ZEB1: variants seen among roughly 807,000 people sequenced by gnomAD.
ZEB1 encodes the protein zinc finger E-box binding homeobox 1.
In ZEB1, 21 loss-of-function variants were observed where a neutral mutation model predicts 84.9. The ratio of observed to expected loss-of-function variants is 0.25; its 90% CI spans 0.18 to 0.36. The LOEUF (loss-of-function observed/expected upper bound fraction) is 0.36. Ranked by LOEUF, ZEB1 falls within the 10% of genes least tolerant of loss-of-function variation. The pLI is 1.00. For synonymous variants in ZEB1, 420 were observed against 471.1 expected, an observed-to-expected ratio of 0.89 and a Z score of 1.41; for missense variants, 1,104 against 1,330.2, an observed-to-expected ratio of 0.83 and a Z score of 2.65.
intron 5 of ZEB1, among the ~76,000 whole-genome samples, chr10:31,512,902 C>G (rs2070355800): frequency 6.6e-6 from 1 of 151,964 alleles, no homozygotes; most frequent in Middle Eastern, 3.2e-3. Context: ...CATAAGAAAG[C>G]CTTGAGGCCA....
intron 1 of ZEB1, among the ~76,000 whole-genome samples, chr10:31,332,622 C>A (rs560406072): frequency 6.6e-6 from 1 of 152,128 alleles, no homozygotes; most frequent in Non-Finnish European, 1.5e-5. Context: ...TAATTCAGGC[C>A]TGGTATATGT....
chr10:31,322,630 A>G (rs1348632692), intron 1 of ZEB1, among the ~76,000 whole-genome samples: 1 of 152,176 alleles, frequency 6.6e-6, no homozygotes, highest in Non-Finnish European at 1.5e-5. Context: ...TCCGTAAAGG[A>G]GTGACATTAG....
intron 1 of ZEB1, among the ~76,000 whole-genome samples, chr10:31,428,116 A>G (rs2057219657): frequency 6.6e-6 from 1 of 151,182 alleles, no homozygotes; most frequent in Non-Finnish European, 1.5e-5. Context: ...TAGCTTTGGG[A>G]TTTGTGTGCT....
Position 31,520,038 on chromosome 10 carries a change from T to C in ZEB1, c.794-88T>C. On this transcript the variant is annotated intron_variant, in intron 6 of 8. Transcript: ENST00000424869. The surrounding 1 kb of genome is among the most constrained non-coding windows in gnomAD (Gnocchi z 5.1). ...TGCATGGCAGTCTTCTTTTTAAAATTGATACCGCTTGTTTTAGGGAAATGA... is the reference window on the plus strand; with the variant it reads ...TGCATGGCAGTCTTCTTTTTAAAATCGATACCGCTTGTTTTAGGGAAATGA... 1 of 1,516,272 alleles carries C rather than the reference T, an allele frequency of 6.6e-7. No homozygotes were observed. The highest frequency in any genetic ancestry group is 8.9e-7 in the Non-Finnish European group (1 of 1,125,206). 93.9% of individuals were successfully genotyped at this position (1,516,272 alleles called of 1,614,324 possible).
At chr10:31,474,785 A>T (rs994299088) in intron 2 of ZEB1, among the ~76,000 whole-genome samples, 3 of 152,140 alleles carry the variant, frequency 2.0e-5, no homozygotes, top group Non-Finnish European at 4.4e-5. Flanking sequence ...GGCACTATTC[A>T]CAATAGCAAA....
chr10:31,361,192 C>A (rs1056588414), intron 1 of ZEB1: 102 of 1,611,738 alleles, frequency 6.3e-5, no homozygotes, highest in Non-Finnish European at 8.0e-5. Context: ...CCATCCTGCT[C>A]TCAACTACAA....
intron 6 of ZEB1, among the ~76,000 whole-genome samples, chr10:31,519,880 A>C (rs893388417): frequency 3.3e-5 from 5 of 152,212 alleles, no homozygotes; most frequent in African/African-American, 1.2e-4. Flanking sequence ...TGGAAATATT[A>C]TACACATATG....
At chr10:31,319,045 G>T (rs914095080), upstream of ZEB1, 59 of 636,668 alleles carry the variant, frequency 9.3e-5, no homozygotes, top group Non-Finnish European at 1.5e-4. Flanking sequence ...CAAACCGCCC[G>T]GTCCCTAGCA....
chr10:31,364,276 G>C (rs1486460087), intron 1 of ZEB1, among the ~76,000 whole-genome samples: 1 of 152,164 alleles, frequency 6.6e-6, no homozygotes. Flanking sequence ...CGGTCCAGCT[G>C]GACTCTAGCC....
chr10:31,460,693 G>T (rs991838022), intron 1 of ZEB1, among the ~76,000 whole-genome samples: 5 of 152,080 alleles, frequency 3.3e-5, no homozygotes, highest in African/African-American at 1.2e-4. Flanking sequence ...CTCTCTCTCT[G>T]CCTTGATTTT....
intron 1 of ZEB1, among the ~76,000 whole-genome samples, chr10:31,337,683 G>GTTTTTTTTTTT (rs756379165): frequency 1.7e-4 from 17 of 98,796 alleles, no homozygotes; most frequent in South Asian, 3.6e-4. Flanking sequence ...ATTTCTTTCT[G>GTTTTTTTTTTT]TTTTTTTTTT....
chr10:31,520,834 C>G lies in ZEB1; in HGVS notation c.1502C>G (p.Thr501Arg). 3 of 1,613,994 alleles carry G rather than the reference C, an allele frequency of 1.9e-6. No homozygotes were observed. Among genetic ancestry groups the G allele is most frequent in the Non-Finnish European group, 2.5e-6 (3 of 1,179,964 alleles). The stretch of plus-strand genomic sequence containing the variant: ...TTAAAAAAAGAAAATCCAGTCGCTA[C>G]AAACAGTTGTAAAAGTGAAAAGTTA... Reference protein sequence around the residue: ...QNLKKENPVATNSCKSEKLPE... With the variant: ...QNLKKENPVARNSCKSEKLPE... Residue 501 changes from threonine to arginine, a missense_variant, in exon 7 of 9, where the codon ACA (threonine) becomes AGA (arginine). Thr to Arg is a moderately conservative substitution (Grantham distance 71, BLOSUM62 -1). This residue lies in a region of ZEB1 where 531 missense variants were observed against 575.2 expected (regional missense o/e 0.92). Transcript: ENST00000424869. The surrounding 1 kb of genome is among the most constrained non-coding windows in gnomAD (Gnocchi z 5.1).
At chr10:31,430,009 G>A (rs959819895) in intron 1 of ZEB1, among the ~76,000 whole-genome samples, 2 of 152,194 alleles carry the variant, frequency 1.3e-5, no homozygotes, top group Non-Finnish European at 2.9e-5. Context: ...CCAAAGTGCT[G>A]AGATTACAGG....
intron 2 of ZEB1, among the ~76,000 whole-genome samples, chr10:31,480,712 G>A (rs892560666): frequency 1.5e-4 from 23 of 151,950 alleles, no homozygotes; most frequent in African/African-American, 5.1e-4. Flanking sequence ...TTGAACCTTG[G>A]TGTACATTTT....
intron 1 of ZEB1, among the ~76,000 whole-genome samples, chr10:31,405,615 T>A (rs2052830699): frequency 6.6e-6 from 1 of 152,088 alleles, no homozygotes; most frequent in African/African-American, 2.4e-5. Flanking sequence ...CCCATTGTGG[T>A]TTTTACACAG....
In ZEB1 at chr10:31,491,494, C is replaced by G. The variant is rs536671911; in HGVS notation, c.260-4282C>G. 2.6e-5 allele frequency among the ~76,000 whole-genome samples: 4 copies of G among 151,968 alleles called. No homozygotes were observed. In the East Asian group the frequency reaches 7.8e-4, roughly 30 times the overall value. On this transcript the variant is annotated intron_variant, in intron 2 of 8. Coordinates refer to ENST00000424869, the MANE Select transcript of ZEB1 (RefSeq NM_001174096.2). ...ACTATAAGGATTCTCCTAGAGCCTT[C>G]ACTGCCATGCCCCAGGGCCCACTTT...
chr10:31,423,374 A>C (rs1321258350), intron 1 of ZEB1, among the ~76,000 whole-genome samples: 1 of 152,122 alleles, frequency 6.6e-6, no homozygotes, highest in Non-Finnish European at 1.5e-5. Context: ...GTGTGCAGTA[A>C]ATGTTTTTAA....
At chr10:31,499,761 T>C (rs2067842071) in intron 3 of ZEB1, among the ~76,000 whole-genome samples, 1 of 151,734 alleles carries the variant, frequency 6.6e-6, no homozygotes, top group African/African-American at 2.4e-5. Flanking sequence ...GCGAAACTCA[T>C]TCTCAAAAAA....
chr10:31,348,138 A>C (rs2040647664), intron 1 of ZEB1, among the ~76,000 whole-genome samples: 1 of 152,212 alleles, frequency 6.6e-6, no homozygotes, highest in Non-Finnish European at 1.5e-5. Flanking sequence ...AATCAAGGAG[A>C]ATCAGTGCCT....
Sources: allele counts gnomAD v4.1 joint callset (sites outside exome capture counted in the v4.1 genomes callset), GRCh38; gene constraint gnomAD v4.1.1; regional missense constraint gnomAD v4.1.1; non-coding constraint Gnocchi (gnomAD v3.1); transcripts MANE v1.5; gene names NCBI Gene and HGNC (gene_info 2026-07-23, HGNC 2026-07-21).